ELAVL2: variants seen among roughly 807,000 people sequenced by gnomAD.
The protein encoded by ELAVL2 is ELAV-like protein 2.
ELAVL2 carries 4 observed loss-of-function variants against 34.6 expected under a neutral mutation model. The observed-to-expected ratio is 0.12, with a 90% CI of 0.06 to 0.26. The LOEUF (loss-of-function observed/expected upper bound fraction) is 0.26. Ranked by LOEUF, ELAVL2 falls within the 10% of genes least tolerant of loss-of-function variation. ELAVL2 has a pLI of 1.00. For synonymous variants in ELAVL2, 193 were observed against 154.8 expected (o/e 1.25, Z -1.83); for missense variants, 432 against 442.8 (o/e 0.98, Z 0.22).
At chr9:23,725,730 A>G (rs2044955802) in intron 3 of ELAVL2, among the ~76,000 whole-genome samples, 1 of 152,102 alleles carries the variant, frequency 6.6e-6, no homozygotes, top group Non-Finnish European at 1.5e-5. Flanking sequence ...TCAAGAGTGA[A>G]AGAAGAAGGC....
chr9:23,838,123 A>G, the ELAVL2 span, among the ~76,000 whole-genome samples: 1 of 152,208 alleles, frequency 6.6e-6, no homozygotes, highest in African/African-American at 2.4e-5. Context: ...ATTATTAAGC[A>G]TATTAAACAT....
chr9:23,746,442 G>T (rs896646099), intron 2 of ELAVL2, among the ~76,000 whole-genome samples: 1 of 152,230 alleles, frequency 6.6e-6, no homozygotes, highest in Admixed American at 6.5e-5. Context: ...GAGTCACAGA[G>T]CGTTTTCAGA....
chr9:23,709,257 G>T lies in ELAVL2; in HGVS notation c.334-4186C>A, dbSNP rs111797315. 9.3e-3 allele frequency among the ~76,000 whole-genome samples: 1,408 copies of T among 152,048 alleles called. 26 individuals are homozygous for T. Among genetic ancestry groups the T allele is most frequent in the African/African-American group, 0.033 (1,356 of 41,476 alleles). On this transcript the variant is annotated intron_variant, in intron 3 of 6. Coordinates refer to ENST00000397312, the MANE Select transcript of ELAVL2 (RefSeq NM_004432.5). ...CTGTCATCAAAATCCTCCCTTCCTG[G>T]AAAACATTTCTTCTTTCATCTAAAA...
intron 1 of ELAVL2, among the ~76,000 whole-genome samples, chr9:23,774,410 C>G (rs1291244156): frequency 2.0e-5 from 3 of 151,934 alleles, no homozygotes; most frequent in Non-Finnish European, 4.4e-5. Flanking sequence ...TTTTCCTAAT[C>G]ATGACTGTTA....
chr9:23,836,508 G>A, the ELAVL2 span, among the ~76,000 whole-genome samples: 40 of 152,188 alleles, frequency 2.6e-4, no homozygotes, highest in African/African-American at 9.4e-4. Context: ...AGATACATGT[G>A]TCTCCATATT....
In ELAVL2 at chr9:23,708,858, G is replaced by C. The variant is rs559306230; in HGVS notation, c.334-3787C>G. ...TCACCATGTTGGTCAGCCTGGTCTC[G>C]AATGCCTGACCTCAGGTGATCAGCC... On this transcript the variant is annotated intron_variant, in intron 3 of 6. Transcript: ENST00000397312. Among the ~76,000 whole-genome samples the C allele has an allele frequency of 1.1e-4, 16 of 152,014 alleles. No homozygotes were observed. The East Asian group carries it at 2.7e-3, about 26-fold the overall frequency.
At chr9:23,816,346 A>AG (rs764708123) in intron 1 of ELAVL2, among the ~76,000 whole-genome samples, 48 of 131,002 alleles carry the variant, frequency 3.7e-4, no homozygotes, top group Non-Finnish European at 6.1e-4. Flanking sequence ...AAAAAAAAAA[A>AG]GGGGATAAAA....
At chr9:23,751,515 G>A (rs1361886811) in intron 2 of ELAVL2, among the ~76,000 whole-genome samples, 1 of 152,086 alleles carries the variant, frequency 6.6e-6, no homozygotes, top group East Asian at 1.9e-4. Context: ...TGCTAACACT[G>A]CAGGAATATT....
chr9:23,793,073 C>T (rs1425563413), intron 1 of ELAVL2, among the ~76,000 whole-genome samples: 1 of 152,182 alleles, frequency 6.6e-6, no homozygotes, highest in African/African-American at 2.4e-5. Flanking sequence ...GCACCACTGC[C>T]TGGCCTGTTT....
chr9:23,829,763 G>C (rs1039637933), upstream of ELAVL2: 1 of 152,190 alleles, frequency 6.6e-6, no homozygotes, highest in Non-Finnish European at 1.5e-5. Context: ...GCAAGAGAAA[G>C]AGGCAGGAAT....
At chr9:23,834,827 A>G in the ELAVL2 span, among the ~76,000 whole-genome samples, 1 of 152,086 alleles carries the variant, frequency 6.6e-6, no homozygotes, top group Non-Finnish European at 1.5e-5. Flanking sequence ...TGATTCACCC[A>G]TAAAAAGTTG....
rs958072678 is a variant in ELAVL2, at chr9:23,826,004, A to T, written c.-214T>A. ...GCTAAAAGAAATGGCGAAAAAAAAT[A>T]TGAAAGGGGAGGGGAAACTTAAAAA... On this transcript the variant is annotated 5_prime_UTR_variant, in exon 1 of 7. Transcript: ENST00000397312. 3.3e-5 allele frequency: 5 copies of T among 152,186 alleles called. No individual in the cohort carries two copies. The highest frequency in any genetic ancestry group is 1.2e-4 in the African/African-American group (5 of 41,442). The allele number at this position is 152,186 out of a possible 1,614,324, so 9.4% of individuals were successfully genotyped here.
At chr9:23,774,147 C>A (rs924438809) in intron 1 of ELAVL2, among the ~76,000 whole-genome samples, 1 of 135,748 alleles carries the variant, frequency 7.4e-6, no homozygotes, top group South Asian at 2.4e-4. Flanking sequence ...GGAGGCAGAG[C>A]TTGCAGTGAG....
intron 2 of ELAVL2, among the ~76,000 whole-genome samples, chr9:23,741,091 C>A (rs528155212): frequency 6.6e-6 from 1 of 152,094 alleles, no homozygotes; most frequent in South Asian, 2.1e-4. Context: ...TCAGGCTTAA[C>A]CAGGACCAGC....
intron 3 of ELAVL2, among the ~76,000 whole-genome samples, chr9:23,718,187 A>C (rs952460325): frequency 3.3e-5 from 5 of 152,126 alleles, no homozygotes; most frequent in African/African-American, 1.2e-4. Flanking sequence ...GATTCCTCAA[A>C]CACCCAGAGA....
intron 3 of ELAVL2, among the ~76,000 whole-genome samples, chr9:23,709,203 T>C (rs1176350410): frequency 6.6e-6 from 1 of 152,130 alleles, no homozygotes; most frequent in African/African-American, 2.4e-5. Context: ...TAAAACAGCT[T>C]CCTTTCCCTT....
At chr9:23,804,199 C>T (rs540507328) in intron 1 of ELAVL2, among the ~76,000 whole-genome samples, 45 of 149,622 alleles carry the variant, frequency 3.0e-4, no homozygotes, top group South Asian at 2.1e-3. Flanking sequence ...TTTGAGACGG[C>T]GTCTCGCTCT....
chr9:23,803,282 A>C (rs1005398590), intron 1 of ELAVL2, among the ~76,000 whole-genome samples: 2 of 152,228 alleles, frequency 1.3e-5, no homozygotes, highest in African/African-American at 4.8e-5. Context: ...ACATGAATAT[A>C]ACTGTATATT....
intron 1 of ELAVL2, among the ~76,000 whole-genome samples, chr9:23,803,724 C>T (rs2061854022): frequency 1.3e-5 from 2 of 151,734 alleles, no homozygotes; most frequent in African/African-American, 4.8e-5. Context: ...ACTTAATCCT[C>T]TTCTCCTGGG....
Sources: gnomAD v4.1 joint callset for allele counts (sites outside exome capture counted in the v4.1 genomes callset) on GRCh38, gnomAD v4.1.1 for gene constraint, MANE v1.5 for transcripts, NCBI Gene and HGNC (gene_info 2026-07-23, HGNC 2026-07-21) for gene names.